The following GAGE12J variants were observed in gnomAD, a reference collection of about 807,000 sequenced individuals.
The protein encoded by GAGE12J is G antigen 11.
Under a neutral mutation model 8.5 loss-of-function variants are expected in GAGE12J, and 5 were observed. That is an observed-to-expected ratio of 0.59 (90% confidence interval 0.31 to 1.24). The LOEUF is 1.24. Among genes scored for constraint, GAGE12J ranks in the 50% most tolerant of loss-of-function variants. The pLI, the probability that GAGE12J is intolerant of heterozygous loss-of-function variation, is 0.06. For synonymous variants in GAGE12J, 10 were observed against 19.2 expected (o/e 0.52, Z 1.25); for missense variants, 26 against 63.0 (o/e 0.41, Z 1.99).
chrX:49,328,075 A>G (rs2066450761), intron 4 of GAGE12J, among the ~76,000 whole-genome samples: 1 of 69,291 alleles, frequency 1.4e-5, no homozygotes. Flanking sequence ...TTTAATGAAC[A>G]ATTGCTTCTT....
chrX:49,323,987 A>G, intron 3 of GAGE12J, 124 bp downstream of exon 3: 2 of 1,133,128 alleles, frequency 1.8e-6, no homozygotes, highest in Non-Finnish European at 2.4e-6. Flanking sequence ...GAGGAAGAGG[A>G]GGAAAGAAAA....
chrX:49,322,583 A>T lies in GAGE12J; in HGVS notation c.-9+439A>T, dbSNP rs1330548656. On this transcript the variant is annotated intron_variant, in intron 1 of 4. Transcript: ENST00000442437. Reference sequence around the variant, plus strand: ...GAGCGCCTGAGTGAGAAGCACTGCAAGGTCTCACCTCCGCCATGGAAGGTC... The same window carrying T: ...GAGCGCCTGAGTGAGAAGCACTGCATGGTCTCACCTCCGCCATGGAAGGTC... 5.5e-5 allele frequency among the ~76,000 whole-genome samples: 5 copies of T among 91,702 alleles called. 1 individual carries two copies. The highest frequency in any genetic ancestry group is 1.2e-4 in the Non-Finnish European group (5 of 41,146). The allele number at this position is 91,702 out of a possible 115,157, so 79.6% of individuals were successfully genotyped here. A position where few individuals can be genotyped will look rare whatever the true frequency, so the allele number is the denominator to read the frequency against.
rs1251394335 is a variant in GAGE12J at position 49,323,930 on chromosome X, A to G, written c.205+67A>G. 80 of 1,112,276 alleles carry G rather than the reference A, an allele frequency of 7.2e-5. No homozygotes were observed. In the African/African-American group the frequency reaches 7.4e-4, roughly 10 times the overall value. The allele number at this position is 1,112,276 out of a possible 1,213,427, so 91.7% of individuals were successfully genotyped here. A position where few individuals can be genotyped will look rare whatever the true frequency, so the allele number is the denominator to read the frequency against. ...TGTGTGTGTTCGTGTGTGTGTGTGCATGTGTGTGTGTGTGTGTGTGTGTGT... is the reference window on the plus strand; with the variant it reads ...TGTGTGTGTTCGTGTGTGTGTGTGCGTGTGTGTGTGTGTGTGTGTGTGTGT... On this transcript the variant is annotated intron_variant, in intron 3 of 4. Coordinates refer to ENST00000442437, the MANE Select transcript of GAGE12J (RefSeq NM_001098406.4).
At chrX:49,322,349 G>A (rs1157549804) in intron 1 of GAGE12J, among the ~76,000 whole-genome samples, 2 of 106,481 alleles carry the variant, frequency 1.9e-5, no homozygotes, top group South Asian at 4.0e-4. Flanking sequence ...AAGGTGGGCC[G>A]TGGAGGGGAG....
At chrX:49,327,728 C>T (rs2066449664) in intron 4 of GAGE12J, among the ~76,000 whole-genome samples, 1 of 2,465 alleles carries the variant, frequency 4.1e-4, no homozygotes, top group African/African-American at 4.9e-4. Context: ...ATTTCATTGT[C>T]AGTAAGACAG....
chrX:49,322,317 T>C (rs1557126092), intron 1 of GAGE12J, among the ~76,000 whole-genome samples, 173 bp downstream of exon 1: 1 of 101,723 alleles, frequency 9.8e-6, no homozygotes, highest in African/African-American at 3.4e-5. Flanking sequence ...TTCGTGGTCG[T>C]GAAGGGGCCT....
chrX:49,323,252 C>G lies in GAGE12J; in HGVS notation c.59C>G (p.Pro20Arg). 1.7e-6 allele frequency: 2 copies of G among 1,146,717 alleles called. No homozygotes were observed. Among genetic ancestry groups the G allele is most frequent in the Non-Finnish European group, 2.4e-6 (2 of 843,124 alleles). The allele number at this position is 1,146,717 out of a possible 1,213,427, so 94.5% of individuals were successfully genotyped here. Residue 20 changes from proline (P) to arginine (R), a missense_variant, in exon 2 of 5, where the codon CCT becomes CGT. Pro to Arg is a moderately radical substitution (Grantham distance 103). Coordinates refer to ENST00000442437, the MANE Select transcript of GAGE12J (RefSeq NM_001098406.4). Reference sequence around the variant, plus strand: ...CCTAGACCAAGACCCTATGTACAGCCTCCTGAAATGATTGGGCCTATGCGG... The same window carrying G: ...CCTAGACCAAGACCCTATGTACAGCGTCCTGAAATGATTGGGCCTATGCGG... ...YWPRPRPYVQ[P>R]PEMIGPMRPE...
intron 1 of GAGE12J, among the ~76,000 whole-genome samples, 187 bp downstream of exon 1, chrX:49,322,331 C>A (rs1279091165): frequency 1.9e-5 from 2 of 104,012 alleles, no homozygotes; most frequent in South Asian, 8.5e-4. Context: ...GGGGCCTGGA[C>A]GGGGAGGAAG....
In GAGE12J at chrX:49,323,234, C is replaced by T; in HGVS notation, c.41C>T (p.Pro14Leu). The change falls in exon 2 of 5, where the codon CCA (proline) becomes CTA (leucine). Residue 14 changes from proline to leucine, a missense_variant. Coordinates refer to ENST00000442437, the MANE Select transcript of GAGE12J (RefSeq NM_001098406.4). Reference protein sequence around the residue: ...RGRSTYYWPRPRPYVQPPEMI... With the variant: ...RGRSTYYWPRLRPYVQPPEMI... ...AGATCGACCTATTATTGGCCTAGAC[C>T]AAGACCCTATGTACAGCCTCCTGAA... 1 of 1,146,980 alleles carries T rather than the reference C, an allele frequency of 8.7e-7. No homozygotes were observed. Among genetic ancestry groups the T allele is most frequent in the Non-Finnish European group, 1.2e-6 (1 of 843,371 alleles). The allele number at this position is 1,146,980 out of a possible 1,213,427, so 94.5% of individuals were successfully genotyped here.
chrX:49,322,194 G>A (rs1323172567), intron 1 of GAGE12J, 50 bp downstream of exon 1: 1 of 385,619 alleles, frequency 2.6e-6, no homozygotes, highest in African/African-American at 2.9e-5. Context: ...AGTGAGGGTG[G>A]AGAGGGCCTT....
rs1161627414 is a variant in GAGE12J at position 49,322,544 on chromosome X, C to T, written c.-9+400C>T. Among the ~76,000 whole-genome samples the T allele has an allele frequency of 1.1e-4, 11 of 97,743 alleles. No individual in the cohort carries two copies. The East Asian group carries it at 3.1e-3, about 28-fold the overall frequency. The allele number at this position is 97,743 out of a possible 115,157, so 84.9% of individuals were successfully genotyped here. ...GCGGCCTGGTGAGCGCCCCCCCCAG[C>T]GGTGTGGAGTGCGGAGCGCCTGAGT... On this transcript the variant is annotated intron_variant, in intron 1 of 4. Transcript: ENST00000442437.
chrX:49,323,387 A>G (rs2066430204), intron 2 of GAGE12J, 110 bp downstream of exon 2: 1 of 615,031 alleles, frequency 1.6e-6, no homozygotes, highest in Non-Finnish European at 2.5e-6. Context: ...CTGCTCATAA[A>G]AAATGATGAT....
intron 3 of GAGE12J, among the ~76,000 whole-genome samples, chrX:49,325,591 TCACACACA>T (rs1176588303): frequency 1.3e-5 from 1 of 78,072 alleles, no homozygotes; most frequent in African/African-American, 3.5e-5. Context: ...GCCCACACAC[TCACACACA>T]CACACACACA....
At chrX:49,324,032 C>T (rs1455138086) in intron 3 of GAGE12J, among the ~76,000 whole-genome samples, 169 bp downstream of exon 3, 3 of 109,072 alleles carry the variant, frequency 2.8e-5, no homozygotes, top group African/African-American at 9.7e-5. Flanking sequence ...ACTGGAAAAG[C>T]GAGGAGGCTA....
chrX:49,325,998 C>T (rs1419057287), intron 3 of GAGE12J, among the ~76,000 whole-genome samples: 1 of 5,048 alleles, frequency 2.0e-4, no homozygotes, highest in East Asian at 6.3e-3. Context: ...CCGGCCACTG[C>T]GGGCTTGAAC....
chrX:49,322,219 G>C (rs1450065696), intron 1 of GAGE12J, 75 bp downstream of exon 1: 1 of 294,911 alleles, frequency 3.4e-6, no homozygotes, highest in African/African-American at 3.0e-5. Flanking sequence ...GGGTCAGGCG[G>C]GTCCCGCTTC....
chrX:49,322,466 T>C (rs4239982), intron 1 of GAGE12J, among the ~76,000 whole-genome samples: 3,310 of 95,274 alleles, frequency 0.035, 134 homozygotes, highest in Non-Finnish European at 0.057. Flanking sequence ...GAATGGGGCC[T>C]CCGGCGGGGG....
rs782666764 is a variant in GAGE12J, at chrX:49,323,230, A to C, written c.37A>C (p.Arg13=). The change falls in exon 2 of 5, where the codon AGA becomes CGA. Residue 13 remains arginine, a synonymous_variant. Transcript: ENST00000442437. The part of the protein sequence containing the change: ...WRGRSTYYWP[R]PRPYVQPPEM... ...AGGAAGATCGACCTATTATTGGCCT[A>C]GACCAAGACCCTATGTACAGCCTCC... 2.6e-6 allele frequency: 3 copies of C among 1,145,807 alleles called. No individual in the cohort carries two copies. Among genetic ancestry groups the C allele is most frequent in the Non-Finnish European group, 3.6e-6 (3 of 842,283 alleles). The allele number at this position is 1,145,807 out of a possible 1,213,427, so 94.4% of individuals were successfully genotyped here.
chrX:49,325,478 G>C (rs1313668945), intron 3 of GAGE12J, among the ~76,000 whole-genome samples: 1 of 101,362 alleles, frequency 9.9e-6, no homozygotes, highest in Non-Finnish European at 2.1e-5. Flanking sequence ...AAATTTGCAA[G>C]AATAGTACAA....
Sources: gnomAD v4.1 joint callset for allele counts (sites outside exome capture counted in the v4.1 genomes callset) on GRCh38, gnomAD v4.1.1 for gene constraint, MANE v1.5 for transcripts, NCBI Gene and HGNC (gene_info 2026-07-23, HGNC 2026-07-21) for gene names.